ACYP1: variants seen among roughly 807,000 people sequenced by gnomAD.
The protein encoded by ACYP1 is acylphosphatase-1.
ACYP1 carries 8 observed loss-of-function variants against 10.4 expected under a neutral mutation model. That is an observed-to-expected ratio of 0.77 (90% CI 0.45 to 1.38). The LOEUF (loss-of-function observed/expected upper bound fraction) is 1.38. Among genes scored for constraint, ACYP1 ranks in the 40% most tolerant of loss-of-function variants. ACYP1 has a pLI of 0.00. For synonymous variants in ACYP1, 38 were observed against 40.8 expected (o/e 0.93, Z 0.26); for missense variants, 93 against 117.3 (o/e 0.79, Z 0.96).
intron 2 of ACYP1, among the ~76,000 whole-genome samples, chr14:75,057,584 A>C (rs1892906098): frequency 6.6e-6 from 1 of 151,444 alleles, no homozygotes. Context: ...CACACTTCCC[A>C]ATTTCAAAAC....
At chr14:75,064,933 C>T (rs917847244), upstream of ACYP1, among the ~76,000 whole-genome samples, 3 of 152,104 alleles carry the variant, frequency 2.0e-5, no homozygotes, top group South Asian at 2.1e-4. Flanking sequence ...AGCTACTCAC[C>T]GGTCTCCTTT....
chr14:75,062,221 C>T (rs1893040919), intron 2 of ACYP1, among the ~76,000 whole-genome samples: 1 of 149,276 alleles, frequency 6.7e-6, no homozygotes, highest in Non-Finnish European at 1.5e-5. Context: ...ATCACTTGAG[C>T]CTGGGAGTTT....
At chr14:75,064,439 G>A (rs187909467), upstream of ACYP1, 35 of 152,392 alleles carry the variant, frequency 2.3e-4, no homozygotes, top group African/African-American at 7.7e-4. Context: ...CTGGAGGTGA[G>A]AGACAAACAG....
At chr14:75,057,991 A>AAAAAT in intron 2 of ACYP1, among the ~76,000 whole-genome samples, 1 of 147,502 alleles carries the variant, frequency 6.8e-6, no homozygotes, top group Non-Finnish European at 1.5e-5. Flanking sequence ...AAAAAAAAGA[A>AAAAAT]CTACCTGCTG....
At chr14:75,066,583 A>T (rs1484630377), upstream of ACYP1, among the ~76,000 whole-genome samples, 1 of 152,224 alleles carries the variant, frequency 6.6e-6, no homozygotes, top group African/African-American at 2.4e-5. Context: ...TAAACTCAAT[A>T]GGCCAGGCGT....
chr14:75,062,742 C>G (rs1893059223), intron 2 of ACYP1, among the ~76,000 whole-genome samples: 1 of 151,274 alleles, frequency 6.6e-6, no homozygotes, highest in Admixed American at 6.6e-5. Context: ...AAGGCAATAG[C>G]CAATACCTAC....
At chr14:75,053,716 C>G in intron 2 of ACYP1, 57 bp from the exon 3 acceptor site, 2 of 1,516,678 alleles carry the variant, frequency 1.3e-6, no homozygotes, top group Non-Finnish European at 1.8e-6. Context: ...CAAGGTAAGA[C>G]TACAATCTGT....
At position 75,069,356 on chromosome 14, in the gene ACYP1, C is replaced by T. The variant is rs1893241446; in HGVS notation, c.-65G>A. ...GCCCTTTGCCAGACAAGGGCACACC[C>T]CAAGGTCTGGGAGCGTCGTTCTCAG... is the stretch of plus-strand genomic sequence containing the variant. On this transcript the variant is annotated 5_prime_UTR_variant, in exon 1 of 3. Transcript: ENST00000555463. The T allele has an allele frequency of 1.2e-5, 15 of 1,265,532 alleles. No homozygotes were observed. The South Asian group carries it at 2.1e-4, about 18-fold the overall frequency. 78.4% of individuals were successfully genotyped at this position (1,265,532 alleles called of 1,614,324 possible). A position where few individuals can be genotyped will look rare whatever the true frequency, so the allele number is the denominator to read the frequency against.
upstream of ACYP1, among the ~76,000 whole-genome samples, chr14:75,067,537 T>C (rs955225953): frequency 6.6e-5 from 10 of 151,994 alleles, no homozygotes; most frequent in African/African-American, 2.2e-4. Context: ...GGGCAGCAAA[T>C]GTGGAGATTT....
upstream of ACYP1, among the ~76,000 whole-genome samples, chr14:75,067,121 C>T (rs1893154530): frequency 6.6e-6 from 1 of 151,856 alleles, no homozygotes; most frequent in Admixed American, 6.6e-5. Context: ...CATTTAAACA[C>T]AGGTGAAACC....
At chr14:75,067,219 A>G, upstream of ACYP1, among the ~76,000 whole-genome samples, 1 of 151,144 alleles carries the variant, frequency 6.6e-6, no homozygotes, top group Non-Finnish European at 1.5e-5. Flanking sequence ...ACACACACAC[A>G]CACACACATA....
At chr14:75,061,920 G>A (rs1359091630) in intron 2 of ACYP1, among the ~76,000 whole-genome samples, 1 of 151,978 alleles carries the variant, frequency 6.6e-6, no homozygotes, top group Non-Finnish European at 1.5e-5. Flanking sequence ...TGACCAACAT[G>A]GAAAAACCCT....
At chr14:75,065,161 A>T (rs1893121931), upstream of ACYP1, among the ~76,000 whole-genome samples, 1 of 152,250 alleles carries the variant, frequency 6.6e-6, no homozygotes, top group Non-Finnish European at 1.5e-5. Flanking sequence ...TAAACATTTG[A>T]ATCCAGCTAC....
chr14:75,069,452 A>G lies in ACYP1; in HGVS notation c.-161T>C, dbSNP rs546566311. 6.0e-4 allele frequency: 343 copies of G among 573,028 alleles called. No homozygotes were observed. The African/African-American group carries it at 6.6e-3, about 11-fold the overall frequency. 35.5% of individuals were successfully genotyped at this position (573,028 alleles called of 1,614,324 possible). A position where few individuals can be genotyped will look rare whatever the true frequency, so the allele number is the denominator to read the frequency against. ...CGCCCCTCCCCGGCTCCCCAAGGGCAGGGCTGGACCGAGCTGCAGAGTTGG... is the reference window on the plus strand; with the variant it reads ...CGCCCCTCCCCGGCTCCCCAAGGGCGGGGCTGGACCGAGCTGCAGAGTTGG... On this transcript the variant is annotated 5_prime_UTR_variant, in exon 1 of 3. Transcript: ENST00000555463.
intron 2 of ACYP1, among the ~76,000 whole-genome samples, chr14:75,054,580 A>C (rs1332398003): frequency 6.6e-6 from 1 of 151,632 alleles, no homozygotes; most frequent in Non-Finnish European, 1.5e-5. Flanking sequence ...ATTACAAAAG[A>C]AAATGGGAGT....
intron 2 of ACYP1, among the ~76,000 whole-genome samples, chr14:75,062,114 A>AAAAG (rs1296257760): frequency 7.2e-4 from 107 of 149,408 alleles, no homozygotes; most frequent in African/African-American, 2.5e-3. Flanking sequence ...AAAAAAAAAA[A>AAAAG]AAAAAAAAAA....
In ACYP1 at chr14:75,053,386, C is replaced by A; in HGVS notation, c.*58G>T. On this transcript the variant is annotated 3_prime_UTR_variant, in exon 3 of 3. Coordinates refer to ENST00000238618, the MANE Select transcript of ACYP1 (RefSeq NM_001107.5). ...ATATTAACACACAATAGTTCTATCT[C>A]TATTAATAATAAAAACCAAACCACT... 1 of 1,444,224 alleles carries A rather than the reference C, an allele frequency of 6.9e-7. No individual in the cohort carries two copies. The highest frequency in any genetic ancestry group is 9.7e-7 in the Non-Finnish European group (1 of 1,029,080). The allele number at this position is 1,444,224 out of a possible 1,614,324, so 89.5% of individuals were successfully genotyped here. A position where few individuals can be genotyped will look rare whatever the true frequency, so the allele number is the denominator to read the frequency against.
At chr14:75,060,065 A>G (rs543813144) in intron 2 of ACYP1, 1 of 470,630 alleles carries the variant, frequency 2.1e-6, no homozygotes, top group South Asian at 3.8e-5. Context: ...AGACCACTGA[A>G]TTGTACATTT....
chr14:75,063,843 C>T, intron 1 of ACYP1, 111 bp downstream of exon 1: 1 of 814,396 alleles, frequency 1.2e-6, no homozygotes. Flanking sequence ...TGCCCGGTCC[C>T]GCTCCCTCAC....
Sources: allele counts gnomAD v4.1 joint callset (sites outside exome capture counted in the v4.1 genomes callset), GRCh38; gene constraint gnomAD v4.1.1; transcripts MANE v1.5; gene names NCBI Gene and HGNC (gene_info 2026-07-23, HGNC 2026-07-21).